GYG2: variants seen among roughly 807,000 people sequenced by gnomAD.
The protein encoded by GYG2 is glycogenin-2.
In GYG2, 29 loss-of-function variants were observed where a neutral mutation model predicts 29.4. The observed-to-expected ratio is 0.99, with a 90% CI of 0.74 to 1.35. The LOEUF is 1.35. Ranked by LOEUF, GYG2 falls within the 40% of genes most tolerant of loss-of-function variation. The pLI is 0.00. For missense variants in GYG2, 370 were observed against 385.7 expected, an observed-to-expected ratio of 0.96 and a Z score of 0.34; for synonymous variants, 167 against 172.3, an observed-to-expected ratio of 0.97 and a Z score of 0.24.
Position 2,876,988 on chromosome X carries a change from G to T in GYG2, c.1144-212G>T, listed in dbSNP as rs764718093. Among the ~76,000 whole-genome samples, 16 of 110,165 alleles carry T rather than the reference G, an allele frequency of 1.5e-4. 1 individual carries two copies. The South Asian group carries it at 6.0e-3, about 41-fold the overall frequency. On this transcript the variant is annotated intron_variant, in intron 9 of 10. Transcript: ENST00000398806. ...AATAAAGATGAGGTCTTGCTATTTT[G>T]CCGAGGCTGGTCTCGAACTCCTGGG...
At position 2,843,313 on chromosome X, in the gene GYG2, G is replaced by A. The variant is rs142793742; in HGVS notation, c.108G>A (p.Lys36=). The A allele has an allele frequency of 2.5e-5, 30 of 1,197,883 alleles. No individual in the cohort carries two copies. In the African/African-American group the frequency reaches 4.6e-4, roughly 18 times the overall value. Residue 36 remains lysine (K), a synonymous_variant, in exon 3 of 11, where the codon AAG becomes AAA. Transcript: ENST00000398806. ...QSLRRHRLTR[K]LVVLITPQVS... ...TGAGGAGACACAGGCTGACGAGGAA[G>A]CTGGTGGTGTTGATCACTCCTCAGG...
rs1485766524 is a variant in GYG2, at chrX:2,854,877, A to G, written c.325-116A>G. The G allele has an allele frequency of 3.6e-6, 3 of 825,555 alleles. No homozygotes were observed. In the African/African-American group the frequency reaches 6.1e-5, roughly 17 times the overall value. The allele number at this position is 825,555 out of a possible 1,213,427, so 68.0% of individuals were successfully genotyped here. On this transcript the variant is annotated intron_variant, in intron 4 of 10. Transcript: ENST00000398806. The stretch of plus-strand genomic sequence containing the variant: ...AACCCGGGAGGCGGAGGCCGCAGTG[A>G]GCCGAGACTGAAGCACTGCACTCCA...
chrX:2,846,784 G>A (rs2087747283), intron 3 of GYG2, among the ~76,000 whole-genome samples: 2 of 108,590 alleles, frequency 1.8e-5, no homozygotes, highest in South Asian at 4.4e-4. Context: ...TCTTTTATTC[G>A]AGAAAACATA....
intron 8 of GYG2, among the ~76,000 whole-genome samples, chrX:2,869,118 C>T (rs1001685367): frequency 3.6e-5 from 4 of 111,327 alleles, no homozygotes; most frequent in Non-Finnish European, 7.5e-5. Context: ...AACCTTGGAT[C>T]GAAAATATTG....
At chrX:2,841,584 T>C (rs2087502405) in intron 2 of GYG2, among the ~76,000 whole-genome samples, 3 of 111,318 alleles carry the variant, frequency 2.7e-5, no homozygotes, top group African/African-American at 9.8e-5. Flanking sequence ...CGTTCAAGGG[T>C]GGGGAGGAGG....
At chrX:2,856,348 A>G in intron 5 of GYG2, 150 bp from the exon 6 acceptor site, 2 of 472,769 alleles carry the variant, frequency 4.2e-6, no homozygotes, top group Non-Finnish European at 3.5e-6. Flanking sequence ...CTGAGAACCA[A>G]GAGAATGTGT....
intron 8 of GYG2, among the ~76,000 whole-genome samples, chrX:2,869,999 T>C (rs1176906525): frequency 9.2e-6 from 1 of 108,271 alleles, no homozygotes; most frequent in Non-Finnish European, 1.9e-5. Flanking sequence ...TACATTAATG[T>C]ATTAAGGAAA....
chrX:2,848,147 G>T (rs1242735011), intron 3 of GYG2, among the ~76,000 whole-genome samples: 1 of 112,124 alleles, frequency 8.9e-6, no homozygotes, highest in Admixed American at 9.5e-5. Context: ...TGTCCATCAC[G>T]TACAAAGAAC....
intron 3 of GYG2, chrX:2,853,752 C>T (rs969122662): frequency 1.9e-5 from 7 of 361,329 alleles, no homozygotes; most frequent in Non-Finnish European, 3.3e-5. Context: ...ACACCATTGG[C>T]ATTTGCATTC....
chrX:2,868,456 C>CA (rs148463105), intron 8 of GYG2, among the ~76,000 whole-genome samples: 1,042 of 31,761 alleles, frequency 0.033, 23 homozygotes, highest in East Asian at 0.058. Context: ...GACTCCGTCT[C>CA]AAAAAAAAAA....
chrX:2,865,920 G>A (rs969222780), intron 8 of GYG2, among the ~76,000 whole-genome samples: 1 of 111,463 alleles, frequency 9.0e-6, no homozygotes, highest in Non-Finnish European at 1.9e-5. Context: ...GTATATTGAA[G>A]GGACATCTGC....
chrX:2,877,110 C>T, intron 9 of GYG2, 90 bp from the exon 10 acceptor site: 1 of 1,123,116 alleles, frequency 8.9e-7, no homozygotes, highest in Non-Finnish European at 1.2e-6. Flanking sequence ...TTTTATTTTA[C>T]CCCAGGATAA....
At chrX:2,873,471 AAGGTAATTAACATTTTCATC>A (rs2088521187) in intron 8 of GYG2, among the ~76,000 whole-genome samples, 1 of 111,501 alleles carries the variant, frequency 9.0e-6, no homozygotes, top group Non-Finnish European at 1.9e-5. Context: ...TCATTGTATC[AAGGTAATTAACATTTTCATC>A]ACCTCGCATA....
intron 3 of GYG2, among the ~76,000 whole-genome samples, chrX:2,846,032 T>TAC (rs1331272840): frequency 2.4e-4 from 12 of 50,902 alleles, no homozygotes; most frequent in African/African-American, 5.0e-4. Flanking sequence ...CACATATATA[T>TAC]ACACATATAT....
intron 8 of GYG2, among the ~76,000 whole-genome samples, chrX:2,872,968 G>A (rs749783340): frequency 2.7e-5 from 3 of 112,046 alleles, no homozygotes; most frequent in East Asian, 5.6e-4. Context: ...TATTGCATTC[G>A]TCATTTTTTC....
At chrX:2,837,485 G>C (rs2087398951) in intron 2 of GYG2, among the ~76,000 whole-genome samples, 1 of 111,039 alleles carries the variant, frequency 9.0e-6, no homozygotes, top group Non-Finnish European at 1.9e-5. Context: ...GTTCAGAGGG[G>C]AGCCAATCCC....
At chrX:2,867,699 G>C (rs62582327) in intron 8 of GYG2, among the ~76,000 whole-genome samples, 18,640 of 111,097 alleles carry the variant, frequency 0.17, 1,249 homozygotes, top group South Asian at 0.31. Context: ...ATGGGAGGAA[G>C]GGATGGAGGT....
chrX:2,846,070 T>A (rs1431642199), intron 3 of GYG2, among the ~76,000 whole-genome samples: 1,839 of 35,248 alleles, frequency 0.052, 85 homozygotes, highest in African/African-American at 0.17. Flanking sequence ...TTTTTTTTTT[T>A]TTTTTTTTTT....
At chrX:2,833,136 G>C (rs367886649) in intron 2 of GYG2, among the ~76,000 whole-genome samples, 4 of 110,953 alleles carry the variant, frequency 3.6e-5, no homozygotes, top group South Asian at 3.9e-4. Context: ...CTGGAAATCT[G>C]AGATCAGGGT....
Sources: allele counts gnomAD v4.1 joint callset (sites outside exome capture counted in the v4.1 genomes callset), GRCh38; gene constraint gnomAD v4.1.1; transcripts MANE v1.5; gene names NCBI Gene and HGNC (gene_info 2026-07-23, HGNC 2026-07-21).